Variants in FBXO11 observed in about 807,000 individuals in gnomAD.
FBXO11 encodes F-box protein 11.
A neutral mutation model predicts 117.0 loss-of-function variants in FBXO11; 13 were observed. The observed-to-expected ratio is 0.11, with a 90% CI of 0.07 to 0.18. The LOEUF is 0.18. Ranked by LOEUF, FBXO11 falls within the 10% of genes least tolerant of loss-of-function variation. The probability of loss-of-function intolerance (pLI) is 1.00; values close to 1 mark genes in which losing one functional copy is unlikely to be tolerated. For synonymous variants in FBXO11, 490 were observed against 380.5 expected (o/e 1.29, Z -3.35); for missense variants, 767 against 1,164.4 (o/e 0.66, Z 4.97).
rs539306327 is a variant in FBXO11 at position 47,887,507 on chromosome 2, C to T, written c.232+17982G>A. Among the ~76,000 whole-genome samples, 168 of 151,960 alleles carry T rather than the reference C, an allele frequency of 1.1e-3. 1 individual carries two copies. Among genetic ancestry groups the T allele is most frequent in the Non-Finnish European group, 2.2e-3 (147 of 67,956 alleles). ...CTTTGTGAGGCTGAGGTGGGAGGAT[C>T]GCTTAAGGTGAAGAGTTCAAGACCA... On this transcript the variant is annotated intron_variant, in intron 1 of 22. Transcript: ENST00000403359.
intron 1 of FBXO11, among the ~76,000 whole-genome samples, chr2:47,852,675 G>T (rs1326460697): frequency 6.6e-6 from 1 of 152,146 alleles, no homozygotes; most frequent in Non-Finnish European, 1.5e-5. Context: ...TGATAATAAT[G>T]ATAGTAATTC....
chr2:47,824,402 G>A (rs775367741), intron 11 of FBXO11, among the ~76,000 whole-genome samples: 5 of 152,174 alleles, frequency 3.3e-5, no homozygotes, highest in Admixed American at 3.3e-4. Flanking sequence ...TGAGGTGGGA[G>A]GACTGTTTGA....
chr2:47,848,335 G>A (rs1182409927), intron 1 of FBXO11, among the ~76,000 whole-genome samples: 2 of 152,166 alleles, frequency 1.3e-5, no homozygotes, highest in African/African-American at 4.8e-5. Context: ...ATTCTCATAG[G>A]AGTGTGAACC....
At chr2:47,859,804 T>A (rs1558449792) in intron 1 of FBXO11, among the ~76,000 whole-genome samples, 1 of 152,344 alleles carries the variant, frequency 6.6e-6, no homozygotes, top group South Asian at 2.1e-4. Context: ...ACTTTCATAT[T>A]ATAAGATAAT....
intron 1 of FBXO11, chr2:47,865,780 C>T (rs1190336627): frequency 6.6e-6 from 1 of 152,108 alleles, no homozygotes; most frequent in Non-Finnish European, 1.5e-5. Flanking sequence ...AATACCAGCC[C>T]CAATACTTAG....
chr2:47,816,304 C>T (rs935997020), intron 16 of FBXO11, among the ~76,000 whole-genome samples: 7 of 152,132 alleles, frequency 4.6e-5, no homozygotes, highest in South Asian at 2.1e-4. Context: ...CTCAGCCTTC[C>T]GGGTAGCTGG....
intron 2 of FBXO11, 29 bp downstream of exon 2, chr2:47,839,613 A>T: frequency 6.2e-7 from 1 of 1,605,806 alleles, no homozygotes. Flanking sequence ...TTTCATTACA[A>T]AAAGAAAAGC....
At chr2:47,885,706 G>C (rs562156791) in intron 1 of FBXO11, among the ~76,000 whole-genome samples, 1 of 152,298 alleles carries the variant, frequency 6.6e-6, no homozygotes, top group South Asian at 2.1e-4. Context: ...GCCTTGAAGA[G>C]AGTGCCTAGT....
intron 18 of FBXO11, chr2:47,811,189 T>C (rs1670586684): frequency 1.3e-5 from 2 of 152,242 alleles, no homozygotes; most frequent in African/African-American, 4.8e-5. Context: ...GCATACTCTT[T>C]GGGTGATCTT....
At chr2:47,839,802 A>T (rs533013576) in intron 1 of FBXO11, 33 bp from the exon 2 acceptor site, 1 of 1,581,112 alleles carries the variant, frequency 6.3e-7, no homozygotes, top group East Asian at 2.2e-5. Context: ...GAAAAATTAT[A>T]CCCTTTTTAA....
At chr2:47,808,286 G>A in intron 22 of FBXO11, 39 bp from the exon 23 acceptor site, 1 of 1,612,246 alleles carries the variant, frequency 6.2e-7, no homozygotes, top group South Asian at 1.1e-5. Context: ...AAAAGTGAGG[G>A]GGAAAGTAAT....
At position 47,814,039 on chromosome 2, in the gene FBXO11, A is replaced by G. The variant is rs1670828226; in HGVS notation, c.2007-172T>C. 3 of 551,742 alleles carry G rather than the reference A, an allele frequency of 5.4e-6. No homozygotes were observed. In the Admixed American group the frequency reaches 9.5e-5, roughly 18 times the overall value. The allele number at this position is 551,742 out of a possible 1,614,324, so 34.2% of individuals were successfully genotyped here. A position where few individuals can be genotyped will look rare whatever the true frequency, so the allele number is the denominator to read the frequency against. Reference sequence around the variant, plus strand: ...GTGGTTTAATTTTGCTTAATCCTGTATTTCCCACAGAACATACTTTACTAC... The same window carrying G: ...GTGGTTTAATTTTGCTTAATCCTGTGTTTCCCACAGAACATACTTTACTAC... On this transcript the variant is annotated intron_variant, in intron 16 of 22. Transcript: ENST00000403359.
At chr2:47,841,513 A>C (rs1040673219) in intron 1 of FBXO11, among the ~76,000 whole-genome samples, 13 of 152,218 alleles carry the variant, frequency 8.5e-5, no homozygotes, top group African/African-American at 3.1e-4. Flanking sequence ...GAATCCGATC[A>C]AACCTGTAAG....
intron 1 of FBXO11, among the ~76,000 whole-genome samples, chr2:47,853,454 C>G (rs545641909): frequency 6.6e-6 from 1 of 152,122 alleles, no homozygotes; most frequent in African/African-American, 2.4e-5. Context: ...AAATCAGATC[C>G]TTTATTTTAT....
chr2:47,871,596 A>C (rs1675629305), intron 1 of FBXO11, among the ~76,000 whole-genome samples: 2 of 152,188 alleles, frequency 1.3e-5, no homozygotes, highest in South Asian at 4.1e-4. Flanking sequence ...ATGTCTTCAT[A>C]GGTTTATTAG....
intron 1 of FBXO11, among the ~76,000 whole-genome samples, chr2:47,862,330 G>C (rs541940820): frequency 6.6e-6 from 1 of 152,322 alleles, no homozygotes; most frequent in South Asian, 2.1e-4. Flanking sequence ...AGGGTTGAAA[G>C]CCATTGGGAC....
intron 16 of FBXO11, among the ~76,000 whole-genome samples, chr2:47,814,958 A>C (rs1267240949): frequency 6.6e-6 from 1 of 152,218 alleles, no homozygotes; most frequent in Non-Finnish European, 1.5e-5. Context: ...CATCCGTAAG[A>C]AGCAACTCCT....
rs146642271 is a variant in FBXO11, at chr2:47,813,424, A to ATTTTTTTTTT, written c.2084-48_2084-47insAAAAAAAAAA. Reference sequence around the variant, plus strand: ...TTATCTAGAAGGTATATTTCTTTTTAATTTTTTTTTTTTTTTTTTTTTTTG... The same window carrying ATTTTTTTTTT: ...TTATCTAGAAGGTATATTTCTTTTTATTTTTTTTTTATTTTTTTTTTTTTTTTTTTTTTTG... On this transcript the variant is annotated intron_variant, in intron 17 of 22. Coordinates refer to ENST00000403359, the MANE Select transcript of FBXO11 (RefSeq NM_001190274.2). The ATTTTTTTTTT allele has an allele frequency of 1.4e-5, 8 of 579,432 alleles. No individual in the cohort carries two copies. In the African/African-American group the frequency reaches 2.3e-4, roughly 17 times the overall value. The allele number at this position is 579,432 out of a possible 1,614,324, so 35.9% of individuals were successfully genotyped here. A position where few individuals can be genotyped will look rare whatever the true frequency, so the allele number is the denominator to read the frequency against.
At chr2:47,844,353 G>A (rs919853434) in intron 1 of FBXO11, among the ~76,000 whole-genome samples, 5 of 152,064 alleles carry the variant, frequency 3.3e-5, no homozygotes, top group Non-Finnish European at 4.4e-5. Context: ...ATCTCTATGC[G>A]TAATTAGGGA....
Sources: allele counts gnomAD v4.1 joint callset (sites outside exome capture counted in the v4.1 genomes callset), GRCh38; gene constraint gnomAD v4.1.1; transcripts MANE v1.5; gene names NCBI Gene and HGNC (gene_info 2026-07-23, HGNC 2026-07-21).